TRIM37: variants seen among roughly 807,000 people sequenced by gnomAD.
TRIM37 encodes tripartite motif containing 37, also known as E3 ubiquitin-protein ligase TRIM37.
In TRIM37, 80 loss-of-function variants were observed where a neutral mutation model predicts 129.8. That is an observed-to-expected ratio of 0.62 (90% CI 0.51 to 0.74). The LOEUF is 0.74. TRIM37 is among the 30% of genes least tolerant of loss of function. TRIM37 has a pLI of 0.00. For missense variants in TRIM37, 1,054 were observed against 1,176.5 expected (o/e 0.90, Z 1.52); for synonymous variants, 389 against 387.1 (o/e 1.00, Z -0.06).
chr17:58,976,379 A>C, the TRIM37 span, among the ~76,000 whole-genome samples: 1 of 152,192 alleles, frequency 6.6e-6, no homozygotes, highest in Non-Finnish European at 1.5e-5. Context: ...CATTTACCAA[A>C]ATCCAGTAGC....
At chr17:59,103,015 G>A (rs1381804373) in intron 2 of TRIM37, among the ~76,000 whole-genome samples, 1 of 152,018 alleles carries the variant, frequency 6.6e-6, no homozygotes, top group East Asian at 1.9e-4. Context: ...TGGGACTACA[G>A]GAGCATGCCA....
chr17:59,015,828 A>C, intron 20 of TRIM37, 29 bp from the exon 21 acceptor site: 1 of 1,609,372 alleles, frequency 6.2e-7, no homozygotes, highest in Non-Finnish European at 8.5e-7. Flanking sequence ...GGAATACAAA[A>C]ATTAGCTGGG....
chr17:59,080,837 A>G (rs1016508717), intron 6 of TRIM37, among the ~76,000 whole-genome samples: 3 of 152,122 alleles, frequency 2.0e-5, no homozygotes, highest in African/African-American at 7.2e-5. Context: ...TAACAAACAG[A>G]CTTTTTAAAT....
At chr17:58,983,027 A>G in intron 24 of TRIM37, 1 of 1,053,930 alleles carries the variant, frequency 9.5e-7, no homozygotes, top group South Asian at 1.5e-5. Flanking sequence ...ATTGTTGTCT[A>G]TTGGTAATGT....
At chr17:58,990,790 C>CAAA (rs562537494) in intron 24 of TRIM37, among the ~76,000 whole-genome samples, 1 of 74,842 alleles carries the variant, frequency 1.3e-5, no homozygotes. Flanking sequence ...AACTCTGTCT[C>CAAA]AAAAAAAAAA....
At chr17:59,090,542 C>G (rs1185595938) in intron 3 of TRIM37, among the ~76,000 whole-genome samples, 1 of 152,028 alleles carries the variant, frequency 6.6e-6, no homozygotes, top group Non-Finnish European at 1.5e-5. Flanking sequence ...GTATCAGAAT[C>G]AGAAGGCTTT....
Position 59,049,287 on chromosome 17 carries a change from T to C in TRIM37, c.1421A>G (p.Lys474Arg). ...NDDALETRAK[K>R]SACSDMLLEG... ...GAGAAGCATGTCAGAGCATGCAGAC[T>C]TCTTAGCTCGTGTCTCCAGAGCATC... The change falls in exon 15 of 24, where the codon AAG (lysine) becomes AGG (arginine). Residue 474 changes from lysine to arginine, a missense_variant. Physicochemically the swap from Lys to Arg is conservative, Grantham distance 26 (BLOSUM62 2). This residue lies in a region of TRIM37 where 752 missense variants were observed against 870.8 expected (regional missense o/e 0.86). Coordinates refer to ENST00000262294, the MANE Select transcript of TRIM37 (RefSeq NM_015294.6). 1 of 1,614,188 alleles carries C rather than the reference T, an allele frequency of 6.2e-7. No individual in the cohort carries two copies. Among genetic ancestry groups the C allele is most frequent in the Non-Finnish European group, 8.5e-7 (1 of 1,180,034 alleles).
chr17:59,101,737 T>A (rs1205077552), intron 2 of TRIM37, among the ~76,000 whole-genome samples: 1 of 146,570 alleles, frequency 6.8e-6, no homozygotes, highest in Non-Finnish European at 1.5e-5. Flanking sequence ...TACATATACA[T>A]GTTTATATAT....
intron 2 of TRIM37, among the ~76,000 whole-genome samples, chr17:59,094,456 T>G (rs2044674683): frequency 6.6e-6 from 1 of 152,210 alleles, no homozygotes; most frequent in Non-Finnish European, 1.5e-5. Context: ...CTGTGTCTGA[T>G]TCCCAGCTCT....
intron 3 of TRIM37, among the ~76,000 whole-genome samples, chr17:59,090,890 T>C (rs2044238935): frequency 6.6e-6 from 1 of 152,174 alleles, no homozygotes; most frequent in Admixed American, 6.5e-5. Context: ...CCTCCCAAAG[T>C]GCTGGGATTA....
chr17:58,978,956 C>T (rs1467158758), downstream of TRIM37, among the ~76,000 whole-genome samples: 1 of 152,162 alleles, frequency 6.6e-6, no homozygotes, highest in Non-Finnish European at 1.5e-5. Flanking sequence ...CCCAAGCACC[C>T]TACTCTCCAA....
chr17:58,977,440 C>CA, the TRIM37 span, among the ~76,000 whole-genome samples: 1,617 of 61,596 alleles, frequency 0.026, 18 homozygotes, highest in African/African-American at 0.055. Flanking sequence ...GACTCTGTCT[C>CA]AAAAAAAAAA....
At chr17:58,983,020 G>A (rs1224327806) in intron 24 of TRIM37, 1 of 1,094,048 alleles carries the variant, frequency 9.1e-7, no homozygotes, top group Non-Finnish European at 1.3e-6. Flanking sequence ...AATTTCTATT[G>A]TTGTCTATTG....
At chr17:59,048,887 G>A (rs1000187899) in intron 15 of TRIM37, among the ~76,000 whole-genome samples, 10 of 152,120 alleles carry the variant, frequency 6.6e-5, no homozygotes, top group African/African-American at 2.2e-4. Flanking sequence ...GTGAGCCACC[G>A]CACCCGGCCA....
At chr17:59,061,242 A>G in intron 11 of TRIM37, 134 bp from the exon 12 acceptor site, 1 of 728,282 alleles carries the variant, frequency 1.4e-6, no homozygotes, top group Non-Finnish European at 2.4e-6. Flanking sequence ...AAAAACACCA[A>G]TAGATTTGAG....
intron 5 of TRIM37, among the ~76,000 whole-genome samples, chr17:59,081,936 CCAA>C (rs1331421595): frequency 3.4e-4 from 17 of 50,244 alleles, no homozygotes; most frequent in African/African-American, 1.8e-3. Context: ...ATAATAAAAA[CCAA>C]AAAAAAAAAA....
intron 5 of TRIM37, among the ~76,000 whole-genome samples, chr17:59,083,080 T>A (rs1453269322): frequency 6.6e-6 from 1 of 152,178 alleles, no homozygotes; most frequent in Non-Finnish European, 1.5e-5. Flanking sequence ...TAAGAATCTA[T>A]TGTGTTTATT....
At chr17:59,017,229 A>G (rs1379706617) in intron 20 of TRIM37, 67 bp downstream of exon 20, 1 of 1,584,604 alleles carries the variant, frequency 6.3e-7, no homozygotes, top group Non-Finnish European at 8.7e-7. Context: ...AAGCTCCACG[A>G]TAACATCAAT....
intron 3 of TRIM37, among the ~76,000 whole-genome samples, chr17:59,089,401 G>C (rs945129214): frequency 6.6e-6 from 1 of 152,172 alleles, no homozygotes; most frequent in Non-Finnish European, 1.5e-5. Context: ...CCAGCAGTTT[G>C]GGAGGCCACA....
Sources: allele counts gnomAD v4.1 joint callset (sites outside exome capture counted in the v4.1 genomes callset), GRCh38; gene constraint gnomAD v4.1.1; regional missense constraint gnomAD v4.1.1; transcripts MANE v1.5; gene names NCBI Gene and HGNC (gene_info 2026-07-23, HGNC 2026-07-21).